Variants in EIF4EBP1 observed in about 807,000 individuals in gnomAD.
The protein encoded by EIF4EBP1 is eukaryotic translation initiation factor 4E binding protein 1.
A neutral mutation model predicts 9.2 loss-of-function variants in EIF4EBP1; 5 were observed. The observed-to-expected ratio is 0.54, with a 90% CI of 0.28 to 1.14. The LOEUF (loss-of-function observed/expected upper bound fraction) is 1.14, where lower values mean the gene tolerates loss of function less well. Among genes scored for constraint, EIF4EBP1 ranks in the 50% most tolerant of loss-of-function variants. The pLI, the probability that EIF4EBP1 is intolerant of heterozygous loss-of-function variation, is 0.09. For missense variants in EIF4EBP1, 139 were observed against 169.6 expected (o/e 0.82, Z 1.00); for synonymous variants, 62 against 67.0 (o/e 0.93, Z 0.36).
At chr8:38,039,402 C>CTTTT (rs56390718) in intron 1 of EIF4EBP1, among the ~76,000 whole-genome samples, 1 of 89,012 alleles carries the variant, frequency 1.1e-5, no homozygotes, top group Non-Finnish European at 2.3e-5. Flanking sequence ...GTACTAAATA[C>CTTTT]TTTTTTTTTT....
chr8:38,049,595 C>G (rs1809491916), intron 1 of EIF4EBP1, among the ~76,000 whole-genome samples: 1 of 151,812 alleles, frequency 6.6e-6, no homozygotes, highest in Non-Finnish European at 1.5e-5. Flanking sequence ...AATCCTCCTG[C>G]CTCAGCCTCC....
At position 38,048,154 on chromosome 8, in the gene EIF4EBP1, C is replaced by T. The variant is rs369842179; in HGVS notation, c.146-8927C>T. On this transcript the variant is annotated intron_variant, in intron 1 of 2. Transcript: ENST00000338825. ...GGGTGTGGTGACACTTGCCTGTAGT[C>T]CCAGCTACTCAGGAAGCTGAGGTGG... 2.0e-4 allele frequency among the ~76,000 whole-genome samples: 30 copies of T among 152,104 alleles called. No individual in the cohort carries two copies. The East Asian group carries it at 5.6e-3, about 28-fold the overall frequency.
At chr8:38,034,996 T>C (rs947620924) in intron 1 of EIF4EBP1, among the ~76,000 whole-genome samples, 2 of 152,180 alleles carry the variant, frequency 1.3e-5, no homozygotes, top group African/African-American at 4.8e-5. Context: ...GGCTCACTCC[T>C]GTAATCCCAG....
In EIF4EBP1 at chr8:38,059,849, A is replaced by G; in HGVS notation, c.326-55A>G. ...TTTATAGCAATGAAAGAATGGCCTC[A>G]TATACCAAGCATTCACCCATTGTTG... On this transcript the variant is annotated intron_variant, in intron 2 of 2. Transcript: ENST00000338825. 12 of 1,453,062 alleles carry G rather than the reference A, an allele frequency of 8.3e-6. No individual in the cohort carries two copies. The South Asian group carries it at 1.5e-4, about 18-fold the overall frequency. 90.0% of individuals were successfully genotyped at this position (1,453,062 alleles called of 1,614,324 possible).
chr8:38,057,269 C>A lies in EIF4EBP1; in HGVS notation c.325+9C>A, dbSNP rs558560888. ...AGATAAGCGGGCGGGCGGTGAGTGT[C>A]GGGGCTTGGCCAGGCTCTACCTTGG... On this transcript the variant is annotated intron_variant, in intron 2 of 2. Coordinates refer to ENST00000338825, the MANE Select transcript of EIF4EBP1 (RefSeq NM_004095.4). 1 of 1,472,492 alleles carries A rather than the reference C, an allele frequency of 6.8e-7. No individual in the cohort carries two copies. 91.2% of individuals were successfully genotyped at this position (1,472,492 alleles called of 1,614,324 possible).
intron 1 of EIF4EBP1, among the ~76,000 whole-genome samples, chr8:38,043,367 C>CTT (rs60303823): frequency 0.02 from 2,773 of 139,546 alleles, 106 homozygotes; most frequent in African/African-American, 0.068. Flanking sequence ...TTTTCTTTTT[C>CTT]TTTTTTTTTT....
intron 1 of EIF4EBP1, among the ~76,000 whole-genome samples, chr8:38,037,329 A>T (rs1809317637): frequency 6.6e-6 from 1 of 151,626 alleles, no homozygotes; most frequent in African/African-American, 2.4e-5. Context: ...TTATTTATTT[A>T]TTTTTGAGAC....
intron 2 of EIF4EBP1, 109 bp downstream of exon 2, chr8:38,057,369 G>T (rs1280456623): frequency 1.5e-6 from 2 of 1,326,802 alleles, no homozygotes; most frequent in East Asian, 4.9e-5. Flanking sequence ...CAGGGACTCT[G>T]CCCTACCCTC....
intron 1 of EIF4EBP1, among the ~76,000 whole-genome samples, chr8:38,049,028 G>A (rs1383416840): frequency 1.3e-5 from 2 of 151,688 alleles, no homozygotes; most frequent in East Asian, 1.9e-4. Flanking sequence ...GGGAGGCTGA[G>A]GCAGGAGAAT....
intron 1 of EIF4EBP1, among the ~76,000 whole-genome samples, chr8:38,036,961 A>C (rs1303185738): frequency 6.6e-6 from 1 of 152,082 alleles, no homozygotes; most frequent in Non-Finnish European, 1.5e-5. Flanking sequence ...GGGAAGGCAC[A>C]GCAATATTGA....
chr8:38,052,798 C>G (rs1397717679), intron 1 of EIF4EBP1, among the ~76,000 whole-genome samples: 1 of 151,830 alleles, frequency 6.6e-6, no homozygotes, highest in Non-Finnish European at 1.5e-5. Context: ...AGTGATCCTC[C>G]CACCTCAGCC....
chr8:38,038,237 G>A (rs754901129), intron 1 of EIF4EBP1, among the ~76,000 whole-genome samples: 2 of 151,788 alleles, frequency 1.3e-5, no homozygotes, highest in East Asian at 2.0e-4. Flanking sequence ...GGCCGGACAC[G>A]GTGGCTCATG....
At chr8:38,045,732 A>T (rs189829594) in intron 1 of EIF4EBP1, among the ~76,000 whole-genome samples, 1 of 152,162 alleles carries the variant, frequency 6.6e-6, no homozygotes, top group African/African-American at 2.4e-5. Flanking sequence ...ATAATTAATT[A>T]ATAGAAATAT....
rs369166115 is a variant in EIF4EBP1, at chr8:38,059,994, G to T, written c.*59G>T. 2 of 1,535,684 alleles carry T rather than the reference G, an allele frequency of 1.3e-6. No homozygotes were observed. Among genetic ancestry groups the T allele is most frequent in the South Asian group, 2.2e-5 (2 of 89,468 alleles). ...GCCCCTCAGGGCCTTCCTGGGAGGAGTCCCACCAGCCAGGCCTTATGAAAG... is the reference window on the plus strand; with the variant it reads ...GCCCCTCAGGGCCTTCCTGGGAGGATTCCCACCAGCCAGGCCTTATGAAAG... On this transcript the variant is annotated 3_prime_UTR_variant, in exon 3 of 3. Coordinates refer to ENST00000338825, the MANE Select transcript of EIF4EBP1 (RefSeq NM_004095.4).
chr8:38,040,085 G>A (rs1267671340), intron 1 of EIF4EBP1, among the ~76,000 whole-genome samples: 1 of 152,076 alleles, frequency 6.6e-6, no homozygotes, highest in African/African-American at 2.4e-5. Context: ...TGAGGTCTAT[G>A]TTGCCCAGGC....
intron 2 of EIF4EBP1, among the ~76,000 whole-genome samples, chr8:38,058,503 A>G (rs1373092979): frequency 6.6e-6 from 1 of 152,160 alleles, no homozygotes; most frequent in Non-Finnish European, 1.5e-5. Context: ...ATACTGTTAC[A>G]TTGGGGATTA....
intron 1 of EIF4EBP1, among the ~76,000 whole-genome samples, chr8:38,034,054 GT>G (rs1379954844): frequency 1.3e-5 from 2 of 151,334 alleles, no homozygotes; most frequent in Non-Finnish European, 1.5e-5. Flanking sequence ...CCCTTTTTTT[GT>G]TTTTTTCCTG....
chr8:38,058,970 A>G (rs1314173970), intron 2 of EIF4EBP1, among the ~76,000 whole-genome samples: 1 of 151,976 alleles, frequency 6.6e-6, no homozygotes, highest in African/African-American at 2.4e-5. Flanking sequence ...TGTAATCCCA[A>G]CTACTTGGGA....
chr8:38,033,207 G>A (rs1468820456), intron 1 of EIF4EBP1, among the ~76,000 whole-genome samples: 1 of 151,394 alleles, frequency 6.6e-6, no homozygotes, highest in Non-Finnish European at 1.5e-5. Flanking sequence ...TGGGACAACA[G>A]GCATGCACCA....
Sources: gnomAD v4.1 joint callset for allele counts (sites outside exome capture counted in the v4.1 genomes callset) on GRCh38, gnomAD v4.1.1 for gene constraint, MANE v1.5 for transcripts, NCBI Gene and HGNC (gene_info 2026-07-23, HGNC 2026-07-21) for gene names.